The following PLPP6 variants were observed in gnomAD, a reference collection of about 807,000 sequenced individuals.
The protein encoded by PLPP6 is phospholipid phosphatase 6, also known as polyisoprenoid diphosphate/phosphate phosphohydrolase PLPP6.
Under a neutral mutation model 16.5 loss-of-function variants are expected in PLPP6, and 16 were observed. The observed-to-expected ratio is 0.97, with a 90% confidence interval of 0.66 to 1.47. PLPP6 has a LOEUF of 1.47. PLPP6 is among the 40% of genes most tolerant of loss of function. The pLI is 0.00. For missense variants in PLPP6, 512 were observed against 396.6 expected (o/e 1.29, Z -2.47); for synonymous variants, 226 against 188.1 (o/e 1.20, Z -1.65).
In PLPP6 at chr9:4,663,653, T is replaced by C. The variant is rs1299457071; in HGVS notation, c.*390T>C. On this transcript the variant is annotated 3_prime_UTR_variant, in exon 1 of 1. Transcript: ENST00000381883. ...TAAACTGAACTTCGAGAAAGAAACA[T>C]GATGTTCATTCTGTAAATATACATG... is the stretch of plus-strand genomic sequence containing the variant. 9.9e-6 allele frequency: 2 copies of C among 202,924 alleles called. No homozygotes were observed. Among genetic ancestry groups the C allele is most frequent in the Non-Finnish European group, 2.2e-5 (2 of 89,804 alleles). 12.6% of individuals were successfully genotyped at this position (202,924 alleles called of 1,614,324 possible).
chr9:4,663,168 T>A lies in PLPP6; in HGVS notation c.793T>A (p.Phe265Ile). The A allele has an allele frequency of 1.9e-6, 3 of 1,614,112 alleles. No individual in the cohort carries two copies. The highest frequency in any genetic ancestry group is 2.5e-6 in the Non-Finnish European group (3 of 1,180,020). The change falls in exon 1 of 1, where the codon TTT becomes ATT. Residue 265 changes from phenylalanine to isoleucine, a missense_variant. Coordinates refer to ENST00000381883, the MANE Select transcript of PLPP6 (RefSeq NM_203453.5). The part of the protein sequence containing the change: ...RHNVTDVAFG[F>I]FLGYMQYSIV... ...CAATGTCACCGACGTAGCTTTTGGC[T>A]TTTTTCTGGGCTACATGCAGTACAG...
rs1328635054 is a variant in PLPP6, at chr9:4,663,024, A to C, written c.649A>C (p.Arg217=). The C allele has an allele frequency of 1.9e-6, 3 of 1,613,576 alleles. No individual in the cohort carries two copies. Among genetic ancestry groups the C allele is most frequent in the African/African-American group, 1.3e-5 (1 of 74,928 alleles). ...CTCCTTCCCCTCGGGCCATGCCACA[A>C]GGGCCGCCCTGATGTCGAGGTTCAT... ...KYSFPSGHAT[R]AALMSRFILN... is the part of the protein sequence containing the mutation. The change falls in exon 1 of 1, where the codon AGG becomes CGG. Residue 217 remains arginine (R), a synonymous_variant. Coordinates refer to ENST00000381883, the MANE Select transcript of PLPP6 (RefSeq NM_203453.5).
Position 4,664,852 on chromosome 9 carries a change from A to G in PLPP6, c.*1589A>G, listed in dbSNP as rs2295963. ...CATGCCTCAAAATCAAATCATTTGC[A>G]TTCCCACAGCATCCTGAATACCGAC... On this transcript the variant is annotated 3_prime_UTR_variant, in exon 1 of 1. Coordinates refer to ENST00000381883, the MANE Select transcript of PLPP6 (RefSeq NM_203453.5). 0.18 allele frequency: 29,889 copies of G among 167,110 alleles called. 2,732 individuals carry two copies. Among genetic ancestry groups the G allele is most frequent in the Middle Eastern group, 0.22 (64 of 296 alleles). The allele number at this position is 167,110 out of a possible 1,614,324, so 10.4% of individuals were successfully genotyped here.
At position 4,663,345 on chromosome 9, in the gene PLPP6, C is replaced by T; in HGVS notation, c.*82C>T. The T allele has an allele frequency of 7.1e-7, 1 of 1,415,032 alleles. No individual in the cohort carries two copies. The highest frequency in any genetic ancestry group is 9.8e-7 in the Non-Finnish European group (1 of 1,024,762). 87.7% of individuals were successfully genotyped at this position (1,415,032 alleles called of 1,614,324 possible). Reference sequence around the variant, plus strand: ...TCAACCTAAACCAGCAGCCATCCCGCTTGTCCCTCTTAGGCATTTCAGGCT... The same window carrying T: ...TCAACCTAAACCAGCAGCCATCCCGTTTGTCCCTCTTAGGCATTTCAGGCT... On this transcript the variant is annotated 3_prime_UTR_variant, in exon 1 of 1. Transcript: ENST00000381883.
Position 4,663,263 on chromosome 9 carries a change from A to G in PLPP6, c.888A>G (p.Ter296TrpextTer18), listed in dbSNP as rs1200642147. Residue 296 changes from the stop codon to tryptophan (W), a stop_lost, in exon 1 of 1, where the codon TGA becomes TGG. Coordinates refer to ENST00000381883, the MANE Select transcript of PLPP6 (RefSeq NM_203453.5). ...PVLFLLWSQR[*>W] ...TCTTTTTACTGTGGAGTCAACGATGACACCATCTCATTGATTATGGCACCA... is the reference window on the plus strand; with the variant it reads ...TCTTTTTACTGTGGAGTCAACGATGGCACCATCTCATTGATTATGGCACCA... 2 of 1,610,392 alleles carry G rather than the reference A, an allele frequency of 1.2e-6. No homozygotes were observed. Among genetic ancestry groups the G allele is most frequent in the East Asian group, 2.2e-5 (1 of 44,780 alleles).
chr9:4,663,600 G>A lies in PLPP6; in HGVS notation c.*337G>A, dbSNP rs757897960. 1.8e-4 allele frequency: 48 copies of A among 266,332 alleles called. No homozygotes were observed. Among genetic ancestry groups the A allele is most frequent in the Non-Finnish European group, 2.5e-4 (33 of 129,980 alleles). 16.5% of individuals were successfully genotyped at this position (266,332 alleles called of 1,614,324 possible). A position where few individuals can be genotyped will look rare whatever the true frequency, so the allele number is the denominator to read the frequency against. On this transcript the variant is annotated 3_prime_UTR_variant, in exon 1 of 1. Coordinates refer to ENST00000381883, the MANE Select transcript of PLPP6 (RefSeq NM_203453.5). ...GGTATCAGTAAGATTTGTGTTTTGT[G>A]ATAATCCCTAAATCAACATACCACT...
chr9:4,662,892 C>G lies in PLPP6; in HGVS notation c.517C>G (p.Leu173Val), dbSNP rs773133630. Residue 173 changes from leucine (L) to valine (V), a missense_variant, in exon 1 of 1, where the codon CTG (leucine) becomes GTG (valine). Leu to Val is a conservative substitution (Grantham distance 32). Transcript: ENST00000381883. The surrounding 1 kb of genome is among the most constrained non-coding windows in gnomAD (Gnocchi z 4.9). ...REVLMNLLFA[L>V]LLDLLLVALI... Reference sequence around the variant, plus strand: ...GGTGCTGATGAACCTGCTCTTCGCCCTGCTGTTGGACCTGCTGCTGGTGGC... The same window carrying G: ...GGTGCTGATGAACCTGCTCTTCGCCGTGCTGTTGGACCTGCTGCTGGTGGC... The G allele has an allele frequency of 6.2e-7, 1 of 1,607,892 alleles. No homozygotes were observed. Among genetic ancestry groups the G allele is most frequent in the East Asian group, 2.2e-5 (1 of 44,850 alleles).
Position 4,662,499 on chromosome 9 carries a change from TC to T in PLPP6, c.127del (p.Leu43CysfsTer52). 1 of 1,559,670 alleles carries T rather than the reference TC, an allele frequency of 6.4e-7. No homozygotes were observed. The highest frequency in any genetic ancestry group is 8.6e-7 in the Non-Finnish European group (1 of 1,162,196). ...CGGCGGCAGCAGGTTTGAGTTCCAG[TC>T]CCTGCTCAGCAGCCGCGCCACGGCC... ...GGGGSRFEFQ[S>X]LLSSRATAVD... On this transcript the variant is annotated frameshift_variant, in exon 1 of 1. Transcript: ENST00000381883. LOFTEE classifies it high-confidence loss of function. The surrounding 1 kb of genome is among the most constrained non-coding windows in gnomAD (Gnocchi z 4.9).
At position 4,662,514 on chromosome 9, in the gene PLPP6, C is replaced by G; in HGVS notation, c.139C>G (p.Arg47Gly). 1.3e-6 allele frequency: 2 copies of G among 1,559,574 alleles called. No homozygotes were observed. The highest frequency in any genetic ancestry group is 2.3e-5 in the South Asian group (2 of 85,110). The change falls in exon 1 of 1, where the codon CGC becomes GGC. Residue 47 changes from arginine (R) to glycine (G), a missense_variant. Coordinates refer to ENST00000381883, the MANE Select transcript of PLPP6 (RefSeq NM_203453.5). This position sits in a 1 kb window ranked among gnomAD's most constrained non-coding sequence, Gnocchi z 4.9. ...TGAGTTCCAGTCCCTGCTCAGCAGCCGCGCCACGGCCGTGGACCCCACCTG... is the reference window on the plus strand; with the variant it reads ...TGAGTTCCAGTCCCTGCTCAGCAGCGGCGCCACGGCCGTGGACCCCACCTG... The part of the protein sequence containing the change: ...RFEFQSLLSS[R>G]ATAVDPTCAR...
rs1278455624 is a variant in PLPP6, at chr9:4,663,471, C to A, written c.*208C>A. ...AGCCATATTAGGGAAAGCAAAAAAA[C>A]CCAAAAAATCCTCTATTGTATATTT... On this transcript the variant is annotated 3_prime_UTR_variant, in exon 1 of 1. Transcript: ENST00000381883. 15 of 551,248 alleles carry A rather than the reference C, an allele frequency of 2.7e-5. No individual in the cohort carries two copies. Among genetic ancestry groups the A allele is most frequent in the East Asian group, 2.9e-5 (1 of 34,226 alleles). 34.1% of individuals were successfully genotyped at this position (551,248 alleles called of 1,614,324 possible).
chr9:4,662,469 G>T lies in PLPP6; in HGVS notation c.94G>T (p.Gly32Cys). Reference protein sequence around the residue: ...SSPGSPAHGGGGGGSRFEFQS... With the variant: ...SSPGSPAHGGCGGGSRFEFQS... ...CCCCGGCAGCCCAGCCCATGGCGGC[G>T]GTGGCGGCGGCAGCAGGTTTGAGTT... The change falls in exon 1 of 1, where the codon GGT (glycine) becomes TGT (cysteine). Residue 32 changes from glycine to cysteine, a missense_variant. Gly to Cys is a radical substitution (Grantham distance 159). Transcript: ENST00000381883. The surrounding 1 kb of genome is among the most constrained non-coding windows in gnomAD (Gnocchi z 4.9). The T allele has an allele frequency of 6.5e-7, 1 of 1,548,864 alleles. No homozygotes were observed. Among genetic ancestry groups the T allele is most frequent in the Admixed American group, 1.9e-5 (1 of 52,604 alleles).
chr9:4,663,222 C>T lies in PLPP6; in HGVS notation c.847C>T (p.His283Tyr). ...SIVDYCWLSP[H>Y]NAPVLFLLWS... ...CGTGGACTATTGCTGGCTCTCACCCCATAATGCTCCGGTCCTCTTTTTACT... is the reference window on the plus strand; with the variant it reads ...CGTGGACTATTGCTGGCTCTCACCCTATAATGCTCCGGTCCTCTTTTTACT... Residue 283 changes from histidine (H) to tyrosine (Y), a missense_variant, in exon 1 of 1, where the codon CAT becomes TAT. His to Tyr is a moderately conservative substitution (Grantham distance 83, BLOSUM62 2). Coordinates refer to ENST00000381883, the MANE Select transcript of PLPP6 (RefSeq NM_203453.5). 1 of 1,614,140 alleles carries T rather than the reference C, an allele frequency of 6.2e-7. No individual in the cohort carries two copies. Among genetic ancestry groups the T allele is most frequent in the African/African-American group, 1.3e-5 (1 of 75,056 alleles).
At position 4,665,105 on chromosome 9, in the gene PLPP6, G is replaced by C. The variant is rs1377196449; in HGVS notation, c.*1842G>C. 2 of 167,078 alleles carry C rather than the reference G, an allele frequency of 1.2e-5. No individual in the cohort carries two copies. Among genetic ancestry groups the C allele is most frequent in the Non-Finnish European group, 2.9e-5 (2 of 68,122 alleles). The allele number at this position is 167,078 out of a possible 1,614,324, so 10.3% of individuals were successfully genotyped here. On this transcript the variant is annotated 3_prime_UTR_variant, in exon 1 of 1. Transcript: ENST00000381883. ...TGGAATTCTCTGTTTTAGTTGCTGA[G>C]GCCTGAGTTTTCTGGCTCTTAAAGC...
chr9:4,662,740 G>A lies in PLPP6; in HGVS notation c.365G>A (p.Gly122Glu), dbSNP rs755269993. 2.3e-5 allele frequency: 37 copies of A among 1,603,204 alleles called. No homozygotes were observed. The highest frequency in any genetic ancestry group is 3.1e-5 in the Non-Finnish European group (37 of 1,179,930). The change falls in exon 1 of 1, where the codon GGA becomes GAA. Residue 122 changes from glycine to glutamate, a missense_variant. Physicochemically the swap from Gly to Glu is moderately conservative, Grantham distance 98. Transcript: ENST00000381883. This position sits in a 1 kb window ranked among gnomAD's most constrained non-coding sequence, Gnocchi z 4.9. ...WLSKKLGVCAGESSSWGSVRP... is the reference protein window; with the variant it reads ...WLSKKLGVCAEESSSWGSVRP... Reference sequence around the variant, plus strand: ...TCCAAGAAGCTGGGGGTGTGCGCGGGAGAGAGCTCGTCGTGGGGCAGCGTG... The same window carrying A: ...TCCAAGAAGCTGGGGGTGTGCGCGGAAGAGAGCTCGTCGTGGGGCAGCGTG...
chr9:4,664,380 C>A lies in PLPP6; in HGVS notation c.*1117C>A, dbSNP rs904116778. ...ACATGGAATTCCGTTTTCTGAGGTA[C>A]AGCACATTTTAGGTAACAGTATTTA... On this transcript the variant is annotated 3_prime_UTR_variant, in exon 1 of 1. Coordinates refer to ENST00000381883, the MANE Select transcript of PLPP6 (RefSeq NM_203453.5). 6.0e-6 allele frequency: 1 copy of A among 166,994 alleles called. No homozygotes were observed. The highest frequency in any genetic ancestry group is 1.5e-5 in the Non-Finnish European group (1 of 68,110). The allele number at this position is 166,994 out of a possible 1,614,324, so 10.3% of individuals were successfully genotyped here.
At position 4,663,117 on chromosome 9, in the gene PLPP6, C is replaced by G; in HGVS notation, c.742C>G (p.Leu248Val). ...GGTTCTGTGGGCCTTCGTCTTGGGC[C>G]TATCCAGGGTCATGCTGGGGCGGCA... ...LVVLWAFVLG[L>V]SRVMLGRHNV... Residue 248 changes from leucine to valine, a missense_variant, in exon 1 of 1, where the codon CTA becomes GTA. Leu to Val is a conservative substitution (Grantham distance 32). Transcript: ENST00000381883. 2 of 1,614,032 alleles carry G rather than the reference C, an allele frequency of 1.2e-6. No individual in the cohort carries two copies. The highest frequency in any genetic ancestry group is 8.5e-7 in the Non-Finnish European group (1 of 1,180,010).
rs965917635 is a variant in PLPP6, at chr9:4,662,400, G to A, written c.25G>A (p.Glu9Lys). The change falls in exon 1 of 1, where the codon GAG becomes AAG. Residue 9 changes from glutamate (E) to lysine (K), a missense_variant. Transcript: ENST00000381883. This position sits in a 1 kb window ranked among gnomAD's most constrained non-coding sequence, Gnocchi z 4.9. ...GATGCCAAGTCCCCGGAGGAGCATG[G>A]AGGGACGGCCGCTGGGCGTCTCCGC... The part of the protein sequence containing the change: MPSPRRSM[E>K]GRPLGVSASS... 3.9e-6 allele frequency: 6 copies of A among 1,535,332 alleles called. No individual in the cohort carries two copies. Among genetic ancestry groups the A allele is most frequent in the Non-Finnish European group, 5.2e-6 (6 of 1,148,778 alleles).
Position 4,664,820 on chromosome 9 carries a change from GAACA to G in PLPP6, c.*1558_*1561del. 1 of 167,208 alleles carries G rather than the reference GAACA, an allele frequency of 6.0e-6. No individual in the cohort carries two copies. 10.4% of individuals were successfully genotyped at this position (167,208 alleles called of 1,614,324 possible). ...CAGAGTGAGGGGCATAGTGAAAAAG[GAACA>G]GCCATGCCTCAAAATCAAATCATTT... is the stretch of plus-strand genomic sequence containing the variant. On this transcript the variant is annotated 3_prime_UTR_variant, in exon 1 of 1. Transcript: ENST00000381883.
Position 4,664,797 on chromosome 9 carries a change from G to C in PLPP6, c.*1534G>C, listed in dbSNP as rs1021024031. The C allele has an allele frequency of 6.0e-6, 1 of 167,094 alleles. No individual in the cohort carries two copies. The highest frequency in any genetic ancestry group is 2.4e-5 in the African/African-American group (1 of 41,444). The allele number at this position is 167,094 out of a possible 1,614,324, so 10.4% of individuals were successfully genotyped here. A position where few individuals can be genotyped will look rare whatever the true frequency, so the allele number is the denominator to read the frequency against. On this transcript the variant is annotated 3_prime_UTR_variant, in exon 1 of 1. Transcript: ENST00000381883. ...TTGAGTGAAAGCATGAGCTTGTTCA[G>C]AGTGAGGGGCATAGTGAAAAAGGAA...
Sources: allele counts gnomAD v4.1 joint callset, GRCh38; gene constraint gnomAD v4.1.1; non-coding constraint Gnocchi (gnomAD v3.1); transcripts MANE v1.5; gene names NCBI Gene and HGNC (gene_info 2026-07-23, HGNC 2026-07-21).